GSK3A: variants seen among roughly 807,000 people sequenced by gnomAD.
The protein encoded by GSK3A is glycogen synthase kinase-3 alpha.
A neutral mutation model predicts 56.6 loss-of-function variants in GSK3A; 14 were observed. The ratio of observed to expected loss-of-function variants is 0.25; its 90% CI spans 0.16 to 0.39. The LOEUF (loss-of-function observed/expected upper bound fraction) is 0.39, where lower values mean the gene tolerates loss of function less well. Among genes scored for constraint, GSK3A ranks in the 10% least tolerant of loss-of-function variants. The pLI is 1.00. For synonymous variants in GSK3A, 301 were observed against 285.0 expected, an observed-to-expected ratio of 1.06 and a Z score of -0.56; for missense variants, 450 against 656.0, an observed-to-expected ratio of 0.69 and a Z score of 3.43.
chr19:42,242,270 C>T lies in GSK3A; in HGVS notation c.196G>A (p.Gly66Arg), dbSNP rs1459272124. ...CCGCCGCTGCCGCCGGGTCCACCCC[C>T]GGAGCTCGAGGCCCCGACGCCCCCA... ...MGGGVGASSS[G>R]GGPGGSGGGG... The change falls in exon 1 of 11, where the codon GGG becomes AGG. Residue 66 changes from glycine (G) to arginine (R), a missense_variant. Physicochemically the swap from Gly to Arg is moderately radical, Grantham distance 125. Coordinates refer to ENST00000222330, the MANE Select transcript of GSK3A (RefSeq NM_019884.3). The T allele has an allele frequency of 6.3e-6, 9 of 1,438,150 alleles. No individual in the cohort carries two copies. Among genetic ancestry groups the T allele is most frequent in the Non-Finnish European group, 8.2e-6 (9 of 1,101,824 alleles). The allele number at this position is 1,438,150 out of a possible 1,614,324, so 89.1% of individuals were successfully genotyped here.
intron 9 of GSK3A, 127 bp downstream of exon 9, chr19:42,232,369 C>T (rs2146935574): frequency 1.2e-6 from 1 of 856,844 alleles, no homozygotes. Flanking sequence ...GTCATCTTTC[C>T]TGAGCCCCAG....
Position 42,242,443 on chromosome 19 carries a change from C to T in GSK3A, c.23G>A (p.Gly8Glu). Reference sequence around the variant, plus strand: ...CCTGCCCGAGCCCCCAGGGCCGCCTCCCGAAGGCCCGCCGCCGCTCATGGC... The same window carrying T: ...CCTGCCCGAGCCCCCAGGGCCGCCTTCCGAAGGCCCGCCGCCGCTCATGGC... MSGGGPSGGGPGGSGRAR... is the reference protein window; with the variant it reads MSGGGPSEGGPGGSGRAR... The change falls in exon 1 of 11, where the codon GGA becomes GAA. Residue 8 changes from glycine to glutamate, a missense_variant. Around this residue, in one of 3 missense-constraint regions of GSK3A, gnomAD observed 193 missense variants for 200.5 expected, o/e 0.96. Transcript: ENST00000222330. The T allele has an allele frequency of 7.9e-7, 1 of 1,268,700 alleles. No individual in the cohort carries two copies. Among genetic ancestry groups the T allele is most frequent in the Non-Finnish European group, 9.9e-7 (1 of 1,006,318 alleles). 78.6% of individuals were successfully genotyped at this position (1,268,700 alleles called of 1,614,324 possible).
intron 1 of GSK3A, chr19:42,240,798 T>TAGCCTCATCATCCCCACCCC (rs1439633132): frequency 9.2e-5 from 14 of 152,796 alleles, no homozygotes; most frequent in African/African-American, 3.4e-4. Context: ...CCCCTCACTA[T>TAGCCTCATCATCCCCACCCC]ATGTGGGTGG....
intron 1 of GSK3A, chr19:42,240,686 C>G (rs1241153322): frequency 6.2e-6 from 1 of 161,108 alleles, no homozygotes; most frequent in African/African-American, 2.4e-5. Context: ...AATGTCCTCT[C>G]CTGCTATAAG....
At chr19:42,241,320 T>G (rs2146940590) in intron 1 of GSK3A, 1 of 152,206 alleles carries the variant, frequency 6.6e-6, no homozygotes, top group Middle Eastern at 3.4e-3. Flanking sequence ...GAGGGGCCAG[T>G]GACAAGTTCT....
chr19:42,235,122 CA>C (rs200566243), intron 4 of GSK3A, among the ~76,000 whole-genome samples: 1 of 148,062 alleles, frequency 6.8e-6, no homozygotes, highest in African/African-American at 2.5e-5. Context: ...GACCCTGTCT[CA>C]AAAAAAACAA....
rs1480971718 is a variant in GSK3A at position 42,234,672 on chromosome 19, T to G, written c.673A>C (p.Met225Leu). The change falls in exon 5 of 11, where the codon ATG becomes CTG. Residue 225 changes from methionine (M) to leucine (L), a missense_variant. Physicochemically the swap from Met to Leu is conservative, Grantham distance 15 (BLOSUM62 2). Coordinates refer to ENST00000222330, the MANE Select transcript of GSK3A (RefSeq NM_019884.3). This position sits in a 1 kb window ranked among gnomAD's most constrained non-coding sequence, Gnocchi z 5.7. ...TIPILYVKVY[M>L]YQLFRSLAYI... ...GCCAAGCTGCGGAAGAGCTGGTACA[T>G]GTACACCTGCGGCGGGCACAGGATA... 6.2e-7 allele frequency: 1 copy of G among 1,600,056 alleles called. No homozygotes were observed. Among genetic ancestry groups the G allele is most frequent in the African/African-American group, 1.3e-5 (1 of 74,730 alleles).
rs147739306 is a variant in GSK3A at position 42,232,441 on chromosome 19, C to A, written c.1285+55G>T. 4.6e-6 allele frequency: 7 copies of A among 1,535,008 alleles called. No homozygotes were observed. The African/African-American group carries it at 9.5e-5, about 21-fold the overall frequency. ...GCTTCAACACCAAGCTCCTCACAAT[C>A]TTTGGCTGCCCCCCTACCCCGCCCC... On this transcript the variant is annotated intron_variant, in intron 9 of 10. Transcript: ENST00000222330.
Position 42,230,502 on chromosome 19 carries a change from G to A in GSK3A, c.*292C>T, listed in dbSNP as rs1036504454. 2.1e-6 allele frequency: 1 copy of A among 482,740 alleles called. No individual in the cohort carries two copies. The highest frequency in any genetic ancestry group is 1.9e-5 in the African/African-American group (1 of 51,614). 29.9% of individuals were successfully genotyped at this position (482,740 alleles called of 1,614,324 possible). A position where few individuals can be genotyped will look rare whatever the true frequency, so the allele number is the denominator to read the frequency against. Reference sequence around the variant, plus strand: ...AGGGACACAGGAGGGGAGGGGGTCTGGAGGAGGTGGAGGTCTGGGGGAGGG... The same window carrying A: ...AGGGACACAGGAGGGGAGGGGGTCTAGAGGAGGTGGAGGTCTGGGGGAGGG... On this transcript the variant is annotated 3_prime_UTR_variant, in exon 11 of 11. Coordinates refer to ENST00000222330, the MANE Select transcript of GSK3A (RefSeq NM_019884.3).
At chr19:42,240,180 C>T in intron 1 of GSK3A, 38 bp from the exon 2 acceptor site, 1 of 1,570,162 alleles carries the variant, frequency 6.4e-7, no homozygotes, top group Non-Finnish European at 8.8e-7. Flanking sequence ...ACTGACCCAT[C>T]CTGCCTGCGC....
At chr19:42,233,261 T>TGCCCA in intron 7 of GSK3A, 25 bp downstream of exon 7, 1 of 597,964 alleles carries the variant, frequency 1.7e-6, no homozygotes, top group Non-Finnish European at 2.7e-6. Flanking sequence ...CCCCACCCCC[T>TGCCCA]GCCCAGCCCA....
At chr19:42,239,422 CCT>C (rs2036278003) in intron 2 of GSK3A, among the ~76,000 whole-genome samples, 2 of 152,204 alleles carry the variant, frequency 1.3e-5, no homozygotes, top group African/African-American at 4.8e-5. Context: ...CTTCTAGTTC[CCT>C]GAGCCTCTCC....
Position 42,230,620 on chromosome 19 carries a change from C to T in GSK3A, c.*174G>A. ...CCAGTTAAAATCCTCTTAAAAAGCC[C>T]ACCACAGGGGTGAGGCTGGTGAGGG... On this transcript the variant is annotated 3_prime_UTR_variant, in exon 11 of 11. Coordinates refer to ENST00000222330, the MANE Select transcript of GSK3A (RefSeq NM_019884.3). The T allele has an allele frequency of 1.6e-6, 1 of 614,124 alleles. No individual in the cohort carries two copies. Among genetic ancestry groups the T allele is most frequent in the Non-Finnish European group, 2.9e-6 (1 of 339,324 alleles). The allele number at this position is 614,124 out of a possible 1,614,324, so 38.0% of individuals were successfully genotyped here.
chr19:42,242,534 C>T lies in GSK3A; in HGVS notation c.-69G>A. On this transcript the variant is annotated 5_prime_UTR_variant, in exon 1 of 11. Coordinates refer to ENST00000222330, the MANE Select transcript of GSK3A (RefSeq NM_019884.3). ...GCTGCCCCAGCCGCCGCCGCTGCCG[C>T]CGCCTCCCCCGGGCCCTGGCCTCTT... 1.0e-6 allele frequency: 1 copy of T among 988,282 alleles called. No individual in the cohort carries two copies. The highest frequency in any genetic ancestry group is 1.2e-6 in the Non-Finnish European group (1 of 824,656). The allele number at this position is 988,282 out of a possible 1,614,324, so 61.2% of individuals were successfully genotyped here. A position where few individuals can be genotyped will look rare whatever the true frequency, so the allele number is the denominator to read the frequency against.
intron 1 of GSK3A, chr19:42,240,486 G>A: frequency 4.0e-6 from 2 of 496,890 alleles, no homozygotes; most frequent in Admixed American, 7.1e-5. Flanking sequence ...CATCTACTCT[G>A]GATCTACTGC....
chr19:42,230,964 A>T, intron 10 of GSK3A, 97 bp from the exon 11 acceptor site: 1 of 822,132 alleles, frequency 1.2e-6, no homozygotes, highest in Non-Finnish European at 2.1e-6. Context: ...TAGATGCTAC[A>T]TTAAAAGTTA....
chr19:42,238,434 C>T (rs1195396988), intron 2 of GSK3A, among the ~76,000 whole-genome samples: 4 of 149,788 alleles, frequency 2.7e-5, no homozygotes, highest in East Asian at 1.9e-4. Flanking sequence ...GGTGAAACCC[C>T]GTCCCTACTA....
chr19:42,233,472 G>A (rs2146936311), intron 6 of GSK3A, 89 bp from the exon 7 acceptor site: 1 of 844,436 alleles, frequency 1.2e-6, no homozygotes, highest in Non-Finnish European at 1.9e-6. Flanking sequence ...TCCTAAGAGT[G>A]TCAGGAGCCC....
chr19:42,242,322 G>A lies in GSK3A; in HGVS notation c.144C>T (p.Gly48=). 1 of 1,431,632 alleles carries A rather than the reference G, an allele frequency of 7.0e-7. No homozygotes were observed. The highest frequency in any genetic ancestry group is 2.8e-5 in the Admixed American group (1 of 35,974). The allele number at this position is 1,431,632 out of a possible 1,614,324, so 88.7% of individuals were successfully genotyped here. The part of the protein sequence containing the change: ...GSASGPGGTG[G]GKASVGAMGG... ...CCATGGCCCCGACAGATGCCTTTCC[G>A]CCGCCGGTGCCGCCTGGGCCGGAGG... The change falls in exon 1 of 11, where the codon GGC becomes GGT. Residue 48 remains glycine, a synonymous_variant. Coordinates refer to ENST00000222330, the MANE Select transcript of GSK3A (RefSeq NM_019884.3).
Sources: gnomAD v4.1 joint callset for allele counts (sites outside exome capture counted in the v4.1 genomes callset) on GRCh38, gnomAD v4.1.1 for gene constraint, gnomAD v4.1.1 regional missense constraint, Gnocchi (gnomAD v3.1) non-coding constraint, MANE v1.5 for transcripts, NCBI Gene and HGNC (gene_info 2026-07-23, HGNC 2026-07-21) for gene names.